The following STX12 variants were observed in gnomAD, a reference collection of about 807,000 sequenced individuals.
The protein encoded by STX12 is syntaxin-12.
STX12 carries 17 observed loss-of-function variants against 42.2 expected under a neutral mutation model. That is an observed-to-expected ratio of 0.40 (90% CI 0.28 to 0.60). The LOEUF is 0.60. STX12 is among the 20% of genes least tolerant of loss of function. The pLI is 0.39. For synonymous variants in STX12, 108 were observed against 116.7 expected, an observed-to-expected ratio of 0.93 and a Z score of 0.48; for missense variants, 297 against 330.9, an observed-to-expected ratio of 0.90 and a Z score of 0.79.
At chr1:27,804,145 G>T (rs1162785323) in intron 4 of STX12, among the ~76,000 whole-genome samples, 2 of 152,180 alleles carry the variant, frequency 1.3e-5, no homozygotes, top group East Asian at 3.9e-4. Flanking sequence ...AAATTCTGTG[G>T]CCGGGCGCAG....
chr1:27,809,269 G>A (rs1276208845), intron 4 of STX12, among the ~76,000 whole-genome samples: 1 of 150,700 alleles, frequency 6.6e-6, no homozygotes, highest in African/African-American at 2.4e-5. Flanking sequence ...GGGAGGCAGA[G>A]GTGGTAGTGC....
chr1:27,810,469 G>T lies in STX12; in HGVS notation c.470+180G>T, dbSNP rs535323856. Among the ~76,000 whole-genome samples, 40 of 152,280 alleles carry T rather than the reference G, an allele frequency of 2.6e-4. No individual in the cohort carries two copies. In the South Asian group the frequency reaches 5.2e-3, roughly 20 times the overall value. On this transcript the variant is annotated intron_variant, in intron 5 of 8. Coordinates refer to ENST00000373943, the MANE Select transcript of STX12 (RefSeq NM_177424.3). ...AACCATGGGCTTTTCCAAGCTCTTT[G>T]AGTTATTGGAAGGAGTAATTTCAAG...
intron 3 of STX12, among the ~76,000 whole-genome samples, chr1:27,794,161 A>G (rs2088768679): frequency 6.6e-6 from 1 of 152,082 alleles, no homozygotes; most frequent in African/African-American, 2.4e-5. Context: ...AGTAGCTGCA[A>G]CTACAGGCAT....
chr1:27,797,288 C>T (rs1407160557), intron 3 of STX12, among the ~76,000 whole-genome samples: 1 of 152,220 alleles, frequency 6.6e-6, no homozygotes, highest in Non-Finnish European at 1.5e-5. Context: ...AATTCCTGAC[C>T]TCAAGTGATC....
chr1:27,779,395 G>C (rs1045251824), intron 1 of STX12, among the ~76,000 whole-genome samples: 1 of 151,076 alleles, frequency 6.6e-6, no homozygotes, highest in African/African-American at 2.5e-5. Context: ...GTGCCATGGC[G>C]CAATCTTGGC....
At chr1:27,810,569 G>T (rs2088895979) in intron 5 of STX12, among the ~76,000 whole-genome samples, 1 of 152,104 alleles carries the variant, frequency 6.6e-6, no homozygotes, top group African/African-American at 2.4e-5. Flanking sequence ...GAATAAGTAT[G>T]AACCTACATG....
At chr1:27,812,989 G>A (rs149659758) in intron 6 of STX12, among the ~76,000 whole-genome samples, 39 of 152,250 alleles carry the variant, frequency 2.6e-4, no homozygotes, top group Non-Finnish European at 4.4e-4. Context: ...CAGAATAAAG[G>A]CAGGCCAAAA....
intron 4 of STX12, among the ~76,000 whole-genome samples, chr1:27,802,610 C>T (rs907432081): frequency 2.6e-5 from 4 of 152,266 alleles, no homozygotes; most frequent in African/African-American, 7.2e-5. Context: ...TTCAGTGGTC[C>T]TGGACTGGGA....
intron 6 of STX12, 129 bp from the exon 7 acceptor site, chr1:27,817,722 T>A (rs2088952889): frequency 2.7e-6 from 2 of 729,668 alleles, no homozygotes; most frequent in Non-Finnish European, 4.6e-6. Flanking sequence ...ATTTTCTGTT[T>A]ATGGAGAAAG....
chr1:27,792,689 T>C (rs2088757567), intron 2 of STX12, among the ~76,000 whole-genome samples: 1 of 152,054 alleles, frequency 6.6e-6, no homozygotes, highest in South Asian at 2.1e-4. Context: ...AAGGACCCCA[T>C]CTCCTAATAT....
chr1:27,803,266 G>A (rs2148603956), intron 4 of STX12, among the ~76,000 whole-genome samples: 1 of 152,260 alleles, frequency 6.6e-6, no homozygotes, highest in South Asian at 2.1e-4. Context: ...CTCTAATCTA[G>A]ATACATCAAA....
chr1:27,813,817 T>C (rs2088920524), intron 6 of STX12, among the ~76,000 whole-genome samples: 3 of 152,236 alleles, frequency 2.0e-5, no homozygotes, highest in African/African-American at 4.8e-5. Context: ...GGGTATTTTT[T>C]TAAAAAGTTC....
chr1:27,777,872 G>A (rs1278018969), intron 1 of STX12, among the ~76,000 whole-genome samples: 1 of 152,010 alleles, frequency 6.6e-6, no homozygotes, highest in African/African-American at 2.4e-5. Flanking sequence ...GGATGACAGA[G>A]CGAGACTCAG....
intron 3 of STX12, among the ~76,000 whole-genome samples, chr1:27,801,369 G>A (rs996590813): frequency 7.3e-5 from 11 of 151,018 alleles, no homozygotes; most frequent in Non-Finnish European, 1.6e-4. Context: ...ATGCCACTGC[G>A]CTCCAGCCTG....
At chr1:27,801,170 G>A (rs973980099) in intron 3 of STX12, among the ~76,000 whole-genome samples, 3 of 152,126 alleles carry the variant, frequency 2.0e-5, no homozygotes, top group African/African-American at 4.8e-5. Flanking sequence ...AGGCCGAGGC[G>A]GGCAGATCAC....
At chr1:27,801,968 C>G in intron 4 of STX12, 153 bp downstream of exon 4, 3 of 718,584 alleles carry the variant, frequency 4.2e-6, no homozygotes, top group Non-Finnish European at 6.3e-6. Context: ...AACATATATG[C>G]ATGTGATCAA....
intron 5 of STX12, among the ~76,000 whole-genome samples, chr1:27,811,067 C>T (rs1300543254): frequency 1.3e-5 from 2 of 151,968 alleles, no homozygotes; most frequent in Non-Finnish European, 2.9e-5. Context: ...AGCCTGTAAT[C>T]CCAGCACTTT....
chr1:27,818,208 C>T lies in STX12; in HGVS notation c.649+285C>T, dbSNP rs532359232. The T allele has an allele frequency of 1.8e-3, 496 of 269,876 alleles. 5 individuals carry two copies. Among genetic ancestry groups the T allele is most frequent in the African/African-American group, 9.9e-3 (449 of 45,420 alleles). 16.7% of individuals were successfully genotyped at this position (269,876 alleles called of 1,614,324 possible). On this transcript the variant is annotated intron_variant, in intron 7 of 8. Transcript: ENST00000373943. ...CCATCCTGGCTCACACGGTGAAACC[C>T]GTCTCTACTAAAAATACAAAAAATT...
intron 4 of STX12, among the ~76,000 whole-genome samples, chr1:27,807,093 A>G (rs1435450286): frequency 6.6e-6 from 1 of 152,068 alleles, no homozygotes; most frequent in Admixed American, 6.6e-5. Context: ...TGGTAGGTGT[A>G]TATATTTATG....
Sources: gnomAD v4.1 joint callset for allele counts (sites outside exome capture counted in the v4.1 genomes callset) on GRCh38, gnomAD v4.1.1 for gene constraint, MANE v1.5 for transcripts, NCBI Gene and HGNC (gene_info 2026-07-23, HGNC 2026-07-21) for gene names.